The following MUC4 variants were observed in gnomAD, a reference collection of about 807,000 sequenced individuals.
MUC4 encodes the protein mucin 4, cell surface associated, also known as mucin-4.
Under a neutral mutation model 257.9 loss-of-function variants are expected in MUC4, and 202 were observed. The ratio of observed to expected loss-of-function variants is 0.78; its 90% CI spans 0.70 to 0.88. The LOEUF is 0.88. Ranked by LOEUF, MUC4 falls within the 40% of genes least tolerant of loss-of-function variation. The pLI is 0.00. For synonymous variants in MUC4, 2,351 were observed against 2,757.1 expected, an observed-to-expected ratio of 0.85 and a Z score of 4.62; for missense variants, 5,976 against 6,513.7, an observed-to-expected ratio of 0.92 and a Z score of 2.84.
intron 4 of MUC4, among the ~76,000 whole-genome samples, 175 bp downstream of exon 4, chr3:195,773,997 C>T (rs899946649): frequency 2.6e-5 from 4 of 152,234 alleles, no homozygotes; most frequent in Admixed American, 6.5e-5. Context: ...GGGCAGCCCT[C>T]GCCTGGCACC....
chr3:195,761,938 C>T (rs1231943240), intron 14 of MUC4, 149 bp downstream of exon 14: 9 of 988,864 alleles, frequency 9.1e-6, no homozygotes, highest in Non-Finnish European at 1.2e-5. Flanking sequence ...AGAAGCCCCT[C>T]GGCTCCCGGC....
chr3:195,748,389 C>T (rs1203127983), intron 24 of MUC4, among the ~76,000 whole-genome samples: 9 of 152,256 alleles, frequency 5.9e-5, no homozygotes, highest in African/African-American at 1.9e-4. Flanking sequence ...CATGGCGAAA[C>T]CCCGTCTCTA....
Position 195,790,817 on chromosome 3 carries a change from TTG to T in MUC4, c.761_762del (p.Thr254LysfsTer47). On this transcript the variant is annotated frameshift_variant, in exon 2 of 25. Coordinates refer to ENST00000463781, the MANE Select transcript of MUC4 (RefSeq NM_018406.7). LOFTEE classifies it high-confidence loss of function. ...TTCTCTGATGTCATCATGGATGTGT[TTG>T]TGACACTACAGAGGGATGAGGTAGC... Reference protein sequence around the residue: ...ETATSSLCSVTNTSMMTSEKI... With the variant: ...ETATSSLCSVXNTSMMTSEKI... The T allele has an allele frequency of 6.2e-7, 1 of 1,613,860 alleles. No homozygotes were observed. The highest frequency in any genetic ancestry group is 2.2e-5 in the East Asian group (1 of 44,878).
chr3:195,766,078 A>G (rs1363649898), intron 8 of MUC4, among the ~76,000 whole-genome samples: 2 of 152,070 alleles, frequency 1.3e-5, no homozygotes, highest in Admixed American at 1.3e-4. Flanking sequence ...CTCCTGCCTC[A>G]ACCTATTGAG....
rs1642939838 is a variant in MUC4 at position 195,770,304 on chromosome 3, A to T, written c.13310T>A (p.Met4437Lys). 1 of 1,613,890 alleles carries T rather than the reference A, an allele frequency of 6.2e-7. No individual in the cohort carries two copies. The highest frequency in any genetic ancestry group is 2.2e-5 in the East Asian group (1 of 44,870). ...GGCCTTGTAGCCCCCGTTGTTTGTC[A>T]TCTTTCTAATCCAAGACTCGGCCTG... ...VQQAESWIRK[M>K]TNNGGYKARW... The change falls in exon 6 of 25, where the codon ATG (methionine) becomes AAG (lysine). Residue 4437 changes from methionine to lysine, a missense_variant. Around this residue, in one of 44 missense-constraint regions of MUC4, gnomAD observed 996 missense variants for 1,137.3 expected, o/e 0.88. Coordinates refer to ENST00000463781, the MANE Select transcript of MUC4 (RefSeq NM_018406.7).
At chr3:195,800,890 GAAAAAAA>G (rs59625247) in intron 1 of MUC4, among the ~76,000 whole-genome samples, 10 of 91,376 alleles carry the variant, frequency 1.1e-4, no homozygotes, top group Non-Finnish European at 1.9e-4. Flanking sequence ...CCCCTTCTCT[GAAAAAAA>G]AAAAAAAAAA....
At chr3:195,778,280 A>C in intron 3 of MUC4, 23 bp downstream of exon 3, 1 of 1,572,490 alleles carries the variant, frequency 6.4e-7, no homozygotes, top group Non-Finnish European at 8.6e-7. Flanking sequence ...CAAAAGGCAC[A>C]GGCCTCACCT....
Position 195,749,027 on chromosome 3 carries a change from A to T in MUC4, c.15909T>A (p.Asp5303Glu). 1 of 1,609,074 alleles carries T rather than the reference A, an allele frequency of 6.2e-7. No homozygotes were observed. The highest frequency in any genetic ancestry group is 8.5e-7 in the Non-Finnish European group (1 of 1,177,650). The change falls in exon 24 of 25, where the codon GAT becomes GAA. Residue 5303 changes from aspartate to glutamate, a missense_variant. By Grantham distance (45) the Asp-to-Glu change is conservative. Around this residue, in one of 44 missense-constraint regions of MUC4, gnomAD observed 310 missense variants for 242.1 expected, o/e 1.28. Transcript: ENST00000463781. ...AGACCAGGTCGTAGCCCTTGTAGCC[A>T]TCGCATCTGAAGTAAGCCTTCAGCG... ...VSTLKAYFRCDGYKGYDLVYS... is the reference protein window; with the variant it reads ...VSTLKAYFRCEGYKGYDLVYS...
chr3:195,747,066 T>G lies in MUC4; in HGVS notation c.*110A>C. The G allele has an allele frequency of 7.1e-7, 1 of 1,413,676 alleles. No homozygotes were observed. Among genetic ancestry groups the G allele is most frequent in the Middle Eastern group, 1.8e-4 (1 of 5,608 alleles). The allele number at this position is 1,413,676 out of a possible 1,614,324, so 87.6% of individuals were successfully genotyped here. ...AGTATTCATTCTCCTTGAAGAATCC[T>G]GACAGCCTTCAGTCACCTTCCCTTT... On this transcript the variant is annotated 3_prime_UTR_variant, in exon 25 of 25. Transcript: ENST00000463781.
rs1722418417 is a variant in MUC4 at position 195,769,920 on chromosome 3, G to A, written c.13398+296C>T. On this transcript the variant is annotated intron_variant, in intron 6 of 24. Transcript: ENST00000463781. ...ATACCAGACTGAGCCACGTGAAATT[G>A]TGAATAGCCAGACATTTTTGACTTA... is the stretch of plus-strand genomic sequence containing the variant. Among the ~76,000 whole-genome samples the A allele has an allele frequency of 2.6e-5, 4 of 152,194 alleles. No individual in the cohort carries two copies. In the South Asian group the frequency reaches 8.3e-4, roughly 31 times the overall value.
chr3:195,789,209 C>A lies in MUC4; in HGVS notation c.2371G>T (p.Ala791Ser). 5 of 1,613,808 alleles carry A rather than the reference C, an allele frequency of 3.1e-6. No homozygotes were observed. The highest frequency in any genetic ancestry group is 4.2e-6 in the Non-Finnish European group (5 of 1,179,836). ...GAGGTGGTTCGTGACCCTGAGGAGG[C>A]CGGTTCGCTGGTCTGTGTTTGTCCA... is the stretch of plus-strand genomic sequence containing the variant. ...ASGQTQTSEP[A>S]SSGSRTTSAG... Residue 791 changes from alanine (A) to serine (S), a missense_variant, in exon 2 of 25, where the codon GCC (alanine) becomes TCC (serine). Transcript: ENST00000463781.
intron 7 of MUC4, among the ~76,000 whole-genome samples, chr3:195,767,858 ACCC>A (rs1266633852): frequency 4.5e-4 from 64 of 143,306 alleles, no homozygotes; most frequent in African/African-American, 1.7e-3. Flanking sequence ...CGCCACCATC[ACCC>A]CCAACACCAC....
At chr3:195,796,793 C>A (rs1381578941) in intron 1 of MUC4, among the ~76,000 whole-genome samples, 1 of 152,140 alleles carries the variant, frequency 6.6e-6, no homozygotes, top group Non-Finnish European at 1.5e-5. Context: ...AATTTCAATT[C>A]TATACAAACA....
At chr3:195,750,601 C>G (rs1716204646) in intron 23 of MUC4, 1 of 531,818 alleles carries the variant, frequency 1.9e-6, no homozygotes, top group East Asian at 3.3e-5. Context: ...TTTAAGAAAA[C>G]TATTAGCAAT....
chr3:195,774,977 G>T (rs1158873301), intron 3 of MUC4, among the ~76,000 whole-genome samples: 1 of 151,736 alleles, frequency 6.6e-6, no homozygotes, highest in Non-Finnish European at 1.5e-5. Flanking sequence ...CAGGGAATGA[G>T]ACTTGTTTCC....
intron 4 of MUC4, 108 bp from the exon 5 acceptor site, chr3:195,771,924 A>C: frequency 8.1e-7 from 1 of 1,239,552 alleles, no homozygotes; most frequent in Non-Finnish European, 1.1e-6. Context: ...AGAGCTTTAG[A>C]GATGCTAACA....
chr3:195,750,275 G>C (rs1314492148), intron 23 of MUC4: 1 of 153,130 alleles, frequency 6.5e-6, no homozygotes, highest in East Asian at 1.9e-4. Context: ...CTCATTTTCA[G>C]ATGGGGGTGC....
intron 17 of MUC4, among the ~76,000 whole-genome samples, 183 bp downstream of exon 17, chr3:195,758,941 C>T (rs1718229278): frequency 6.6e-6 from 1 of 152,138 alleles, no homozygotes; most frequent in Admixed American, 6.6e-5. Context: ...GTCACTACTA[C>T]TTACTGGGGG....
At position 195,771,720 on chromosome 3, in the gene MUC4, C is replaced by T. The variant is rs1179637424; in HGVS notation, c.13174G>A (p.Val4392Met). ...TCCCAGAACGGAGCCACCAGGGCCA[C>T]AGGGTCCCGGCCTGTGAAGCCTGTT... ...LPTGFTGRDP[V>M]ALVAPFWDDA... The change falls in exon 5 of 25, where the codon GTG becomes ATG. Residue 4392 changes from valine (V) to methionine (M), a missense_variant. This residue lies in a region of MUC4 where 996 missense variants were observed against 1,137.3 expected (regional missense o/e 0.88). Transcript: ENST00000463781. 7 of 1,613,776 alleles carry T rather than the reference C, an allele frequency of 4.3e-6. No individual in the cohort carries two copies. In the African/African-American group the frequency reaches 9.3e-5, roughly 22 times the overall value.
Sources: gnomAD v4.1 joint callset for allele counts (sites outside exome capture counted in the v4.1 genomes callset) on GRCh38, gnomAD v4.1.1 for gene constraint, gnomAD v4.1.1 regional missense constraint, MANE v1.5 for transcripts, NCBI Gene and HGNC (gene_info 2026-07-23, HGNC 2026-07-21) for gene names.